The following FSTL4 variants were observed in gnomAD, a reference collection of about 807,000 sequenced individuals.
FSTL4 encodes the protein follistatin like 4, also known as follistatin-related protein 4.
In FSTL4, 28 loss-of-function variants were observed where a neutral mutation model predicts 78.2. The ratio of observed to expected loss-of-function variants is 0.36; its 90% CI spans 0.27 to 0.49. FSTL4 has a LOEUF of 0.49. Among genes scored for constraint, FSTL4 ranks in the 20% least tolerant of loss-of-function variants. The probability of loss-of-function intolerance (pLI) is 0.98; values close to 1 mark genes in which losing one functional copy is unlikely to be tolerated. For synonymous variants in FSTL4, 422 were observed against 440.5 expected (o/e 0.96, Z 0.53); for missense variants, 922 against 1,084.9 (o/e 0.85, Z 2.11).
At chr5:133,582,444 T>G (rs1760436756) in intron 2 of FSTL4, among the ~76,000 whole-genome samples, 1 of 152,122 alleles carries the variant, frequency 6.6e-6, no homozygotes, top group African/African-American at 2.4e-5. Context: ...GCTGTCCACT[T>G]GCCAATTTCC....
At chr5:133,250,123 C>G (rs1042957228) in intron 6 of FSTL4, among the ~76,000 whole-genome samples, 2 of 152,256 alleles carry the variant, frequency 1.3e-5, no homozygotes, top group Non-Finnish European at 2.9e-5. Context: ...ATTTGGATTT[C>G]TGTCCTATGA....
At chr5:133,813,307 TCAGA>T in the FSTL4 span, among the ~76,000 whole-genome samples, 415 of 152,388 alleles carry the variant, frequency 2.7e-3, 4 homozygotes, top group African/African-American at 8.8e-3. Context: ...TTTCATTGCT[TCAGA>T]CAAATAATAA....
the FSTL4 span, among the ~76,000 whole-genome samples, chr5:133,635,481 C>T: frequency 2.6e-5 from 4 of 152,324 alleles, no homozygotes; most frequent in East Asian, 1.9e-4. Context: ...ACTGCCTTGG[C>T]GGCTGGGCAC....
At chr5:133,424,169 C>T (rs1324184724) in intron 3 of FSTL4, among the ~76,000 whole-genome samples, 1 of 152,188 alleles carries the variant, frequency 6.6e-6, no homozygotes, top group Non-Finnish European at 1.5e-5. Context: ...GCAGCAGCTC[C>T]GAGGCAGGTG....
intron 3 of FSTL4, among the ~76,000 whole-genome samples, chr5:133,441,223 C>T (rs993212904): frequency 6.6e-6 from 1 of 152,106 alleles, no homozygotes; most frequent in African/African-American, 2.4e-5. Flanking sequence ...GGCAGGATGC[C>T]TTCCTGCACC....
chr5:133,690,928 G>C, the FSTL4 span, among the ~76,000 whole-genome samples: 2 of 152,124 alleles, frequency 1.3e-5, no homozygotes, highest in South Asian at 4.2e-4. Context: ...CCTGGCAGGG[G>C]CATCTCAGGA....
chr5:133,269,653 T>C (rs1752725940), intron 6 of FSTL4, among the ~76,000 whole-genome samples: 1 of 152,192 alleles, frequency 6.6e-6, no homozygotes. Flanking sequence ...AAGCCCTCAC[T>C]AGAGATGGTC....
chr5:133,308,071 T>A (rs571825071), intron 6 of FSTL4, among the ~76,000 whole-genome samples: 1 of 152,212 alleles, frequency 6.6e-6, no homozygotes, highest in Non-Finnish European at 1.5e-5. Flanking sequence ...TGAGCCACCG[T>A]GCCCGGCCTT....
intron 2 of FSTL4, among the ~76,000 whole-genome samples, chr5:133,573,217 C>T (rs1760199831): frequency 1.3e-5 from 2 of 151,108 alleles, no homozygotes; most frequent in Non-Finnish European, 2.9e-5. Context: ...GCACTCCAGC[C>T]TGGGAGACAG....
At chr5:133,471,189 A>G (rs1757820227) in intron 3 of FSTL4, among the ~76,000 whole-genome samples, 1 of 152,180 alleles carries the variant, frequency 6.6e-6, no homozygotes, top group African/African-American at 2.4e-5. Flanking sequence ...ATATTGCATT[A>G]AAATATTATT....
chr5:133,566,348 A>G (rs1760026165), intron 3 of FSTL4, among the ~76,000 whole-genome samples: 1 of 152,210 alleles, frequency 6.6e-6, no homozygotes, highest in Admixed American at 6.5e-5. Context: ...GCAATGTTAG[A>G]TTTAGTAGTC....
chr5:133,632,269 A>T, the FSTL4 span, among the ~76,000 whole-genome samples: 2 of 152,188 alleles, frequency 1.3e-5, no homozygotes, highest in Non-Finnish European at 2.9e-5. Flanking sequence ...TTATAATATA[A>T]GGGTCTTAAA....
At chr5:133,681,374 C>T in the FSTL4 span, among the ~76,000 whole-genome samples, 1 of 152,338 alleles carries the variant, frequency 6.6e-6, no homozygotes, top group East Asian at 1.9e-4. Flanking sequence ...GGGACTGCAA[C>T]AGCCCTTCTT....
intron 6 of FSTL4, among the ~76,000 whole-genome samples, chr5:133,255,926 C>T (rs1752369203): frequency 1.3e-5 from 2 of 152,218 alleles, no homozygotes; most frequent in Admixed American, 6.5e-5. Flanking sequence ...ATAAACCCAT[C>T]AGCACCCTCT....
chr5:133,217,339 G>A lies in FSTL4; in HGVS notation c.1498C>T (p.Pro500Ser). Residue 500 changes from proline to serine, a missense_variant, in exon 13 of 16, where the codon CCC (proline) becomes TCC (serine). Physicochemically the swap from Pro to Ser is moderately conservative, Grantham distance 74. Coordinates refer to ENST00000265342, the MANE Select transcript of FSTL4 (RefSeq NM_015082.2). The stretch of plus-strand genomic sequence containing the variant: ...TTGACTGCAGATACCCACTGGCAGG[G>A]CTGGGTTGCATTTTTTTCTCTTTGA... ...CPQREKNATQ[P>S]CQWVSAVNVR... 6.2e-7 allele frequency: 1 copy of A among 1,614,080 alleles called. No individual in the cohort carries two copies. The highest frequency in any genetic ancestry group is 8.5e-7 in the Non-Finnish European group (1 of 1,179,922).
chr5:133,323,748 A>G (rs1362838972), intron 4 of FSTL4, among the ~76,000 whole-genome samples: 1 of 152,232 alleles, frequency 6.6e-6, no homozygotes, highest in African/African-American at 2.4e-5. Context: ...CTCCCAGACC[A>G]GGCCTGCTTT....
At position 133,225,945 on chromosome 5, in the gene FSTL4, A is replaced by C; in HGVS notation, c.1016-126T>G. ...GTAGGTGACTGGAGTTCTGTGTTTA[A>C]CCAAATTATAATAATCCTGTCCAGC... On this transcript the variant is annotated intron_variant, in intron 8 of 15. Coordinates refer to ENST00000265342, the MANE Select transcript of FSTL4 (RefSeq NM_015082.2). This position sits in a 1 kb window ranked among gnomAD's most constrained non-coding sequence, Gnocchi z 4.6. 1.7e-6 allele frequency: 1 copy of C among 604,948 alleles called. No homozygotes were observed. The highest frequency in any genetic ancestry group is 2.8e-6 in the Non-Finnish European group (1 of 362,608). 37.5% of individuals were successfully genotyped at this position (604,948 alleles called of 1,614,324 possible).
intron 4 of FSTL4, among the ~76,000 whole-genome samples, chr5:133,348,435 A>G (rs1470432573): frequency 6.6e-6 from 1 of 152,242 alleles, no homozygotes; most frequent in African/African-American, 2.4e-5. Context: ...TGAGAACAGT[A>G]GAGACAGCCA....
chr5:133,281,118 C>T (rs1395703375), intron 6 of FSTL4, among the ~76,000 whole-genome samples: 17 of 152,164 alleles, frequency 1.1e-4, no homozygotes, highest in Admixed American at 1.1e-3. Context: ...GTGTCTGGGA[C>T]ACCCCCTGGA....
Sources: gnomAD v4.1 joint callset for allele counts (sites outside exome capture counted in the v4.1 genomes callset) on GRCh38, gnomAD v4.1.1 for gene constraint, Gnocchi (gnomAD v3.1) non-coding constraint, MANE v1.5 for transcripts, NCBI Gene and HGNC (gene_info 2026-07-23, HGNC 2026-07-21) for gene names.